The following MCTP1 variants were observed in gnomAD, a reference collection of about 807,000 sequenced individuals.
MCTP1 encodes the protein multiple C2 and transmembrane domain containing 1, also known as multiple C2 and transmembrane domain-containing protein 1.
MCTP1 carries 69 observed loss-of-function variants against 120.6 expected under a neutral mutation model. The ratio of observed to expected loss-of-function variants is 0.57; its 90% confidence interval spans 0.47 to 0.70. MCTP1 has a LOEUF of 0.70. Among genes scored for constraint, MCTP1 ranks in the 30% least tolerant of loss-of-function variants. MCTP1 has a pLI of 0.00. For synonymous variants in MCTP1, 529 were observed against 493.1 expected (o/e 1.07, Z -0.96); for missense variants, 1,203 against 1,248.8 (o/e 0.96, Z 0.55).
intron 9 of MCTP1, among the ~76,000 whole-genome samples, chr5:94,910,504 T>A (rs1325615072): frequency 6.6e-6 from 1 of 152,126 alleles, no homozygotes; most frequent in Non-Finnish European, 1.5e-5. Flanking sequence ...CAGACAGATC[T>A]TCAGATGTAA....
At chr5:95,219,700 C>T (rs1478040733) in intron 1 of MCTP1, among the ~76,000 whole-genome samples, 2 of 152,190 alleles carry the variant, frequency 1.3e-5, no homozygotes, top group Admixed American at 6.5e-5. Context: ...ACATAATCTT[C>T]AGTGTCCTGG....
rs61324420 is a variant in MCTP1, at chr5:94,826,772, C to CTTTTTTTTTTTTTTTTTTT, written c.2437-27659_2437-27641dup. ...TCAGAGAGTAGGGTTGTGACCCCTG[C>CTTTTTTTTTTTTTTTTTTT]TTTTTTTTTTTTTTTTTTTTTTTTT... On this transcript the variant is annotated intron_variant, in intron 17 of 22. Transcript: ENST00000515393. 28 of 42,882 alleles carry CTTTTTTTTTTTTTTTTTTT rather than the reference C, an allele frequency of 6.5e-4. 3 individuals are homozygous for CTTTTTTTTTTTTTTTTTTT. Among genetic ancestry groups the CTTTTTTTTTTTTTTTTTTT allele is most frequent in the African/African-American group, 1.1e-3 (7 of 6,118 alleles). 2.7% of individuals were successfully genotyped at this position (42,882 alleles called of 1,614,324 possible).
At chr5:94,729,637 A>G (rs897186333) in intron 19 of MCTP1, among the ~76,000 whole-genome samples, 31 of 152,222 alleles carry the variant, frequency 2.0e-4, no homozygotes, top group Admixed American at 2.0e-3. Context: ...GAACCAGCAC[A>G]AGATAACAAT....
At position 94,870,498 on chromosome 5, in the gene MCTP1, A is replaced by C. The variant is rs753734205; in HGVS notation, c.2242-7T>G. 6.4e-7 allele frequency: 1 copy of C among 1,562,280 alleles called. No individual in the cohort carries two copies. Among genetic ancestry groups the C allele is most frequent in the Admixed American group, 1.7e-5 (1 of 59,892 alleles). On this transcript the variant is annotated splice_region_variant and splice_polypyrimidine_tract_variant and intron_variant, in intron 15 of 22. Coordinates refer to ENST00000515393, the MANE Select transcript of MCTP1 (RefSeq NM_024717.7). ...TTCGTAAGCTGGCTTTCACCTATAC[A>C]TCAACATATGTGTCTGTTATGGATT...
At chr5:94,991,504 T>C (rs1368530547) in intron 2 of MCTP1, among the ~76,000 whole-genome samples, 2 of 152,228 alleles carry the variant, frequency 1.3e-5, no homozygotes, top group East Asian at 1.9e-4. Context: ...ATGATTTCTG[T>C]TTGGAATTTT....
chr5:95,154,144 T>C (rs1275917593), intron 1 of MCTP1: 2 of 152,264 alleles, frequency 1.3e-5, no homozygotes, highest in African/African-American at 2.4e-5. Context: ...TTTGGCTGTA[T>C]TGATGTGTTT....
chr5:95,025,809 C>T (rs1339235254), intron 1 of MCTP1, among the ~76,000 whole-genome samples: 1 of 152,174 alleles, frequency 6.6e-6, no homozygotes, highest in African/African-American at 2.4e-5. Flanking sequence ...CCAACAGCCC[C>T]TCAAGTAATT....
At chr5:94,787,527 T>C (rs1777981490) in intron 18 of MCTP1, among the ~76,000 whole-genome samples, 1 of 152,056 alleles carries the variant, frequency 6.6e-6, no homozygotes, top group South Asian at 2.1e-4. Flanking sequence ...TCAAGAGAGA[T>C]AGTGACATAT....
intron 6 of MCTP1, chr5:94,931,415 C>T (rs13170906): frequency 2.0e-5 from 3 of 152,018 alleles, no homozygotes; most frequent in African/African-American, 4.8e-5. Context: ...GCATATCTTA[C>T]AAGTTGAAGA....
At chr5:95,117,390 C>CAAAA (rs34952779) in intron 1 of MCTP1, among the ~76,000 whole-genome samples, 35 of 66,118 alleles carry the variant, frequency 5.3e-4, no homozygotes, top group South Asian at 8.9e-4. Context: ...GACTCCGTCT[C>CAAAA]AAAAAAAAAA....
In MCTP1 at chr5:94,934,159, C is replaced by T. The variant is rs145594143; in HGVS notation, c.1174-2168G>A. Among the ~76,000 whole-genome samples, 800 of 150,790 alleles carry T rather than the reference C, an allele frequency of 5.3e-3. 8 individuals carry two copies. The highest frequency in any genetic ancestry group is 0.019 in the African/African-American group (774 of 41,146). On this transcript the variant is annotated intron_variant, in intron 5 of 22. Coordinates refer to ENST00000515393, the MANE Select transcript of MCTP1 (RefSeq NM_024717.7). ...TTCTTTTAGGTAGTTGAGTTAAGGT[C>T]GATTCAATAAAACTGAAAACAGTAG...
At chr5:94,795,744 A>G (rs59357233) in intron 18 of MCTP1, among the ~76,000 whole-genome samples, 20,215 of 152,242 alleles carry the variant, frequency 0.13, 1,963 homozygotes, top group African/African-American at 0.27. Context: ...AACAAGTCCA[A>G]CTAGGAAACA....
At chr5:95,191,276 C>T (rs1283086976) in intron 1 of MCTP1, among the ~76,000 whole-genome samples, 1 of 151,898 alleles carries the variant, frequency 6.6e-6, no homozygotes, top group Non-Finnish European at 1.5e-5. Context: ...AAATCCTATT[C>T]CTTTGATCTA....
At chr5:94,791,112 C>CAAAAAA (rs60394333) in intron 18 of MCTP1, among the ~76,000 whole-genome samples, 18 of 99,638 alleles carry the variant, frequency 1.8e-4, no homozygotes, top group Admixed American at 3.8e-4. Flanking sequence ...GTCTCTACTA[C>CAAAAAA]AAAAAAAAAA....
intron 1 of MCTP1, among the ~76,000 whole-genome samples, chr5:95,249,735 T>C (rs1187416158): frequency 6.6e-6 from 1 of 152,148 alleles, no homozygotes; most frequent in East Asian, 1.9e-4. Context: ...CTATTCACAA[T>C]AGCAAAGACT....
rs1406079173 is a variant in MCTP1, at chr5:94,706,689, CTG to C, written c.*805_*806del. The stretch of plus-strand genomic sequence containing the variant: ...TATAGTTTCCTAGTATTTTTGATAA[CTG>C]TACTTACTGGGTTGCTAATTTGCTA... On this transcript the variant is annotated 3_prime_UTR_variant, in exon 23 of 23. Transcript: ENST00000515393. 1.3e-5 allele frequency: 2 copies of C among 151,188 alleles called. No individual in the cohort carries two copies. Among genetic ancestry groups the C allele is most frequent in the African/African-American group, 4.9e-5 (2 of 41,158 alleles). The allele number at this position is 151,188 out of a possible 1,614,324, so 9.4% of individuals were successfully genotyped here. A position where few individuals can be genotyped will look rare whatever the true frequency, so the allele number is the denominator to read the frequency against.
chr5:94,897,237 T>G (rs1804265180), intron 10 of MCTP1, among the ~76,000 whole-genome samples: 1 of 151,188 alleles, frequency 6.6e-6, no homozygotes, highest in South Asian at 2.1e-4. Flanking sequence ...TAATTTTTTT[T>G]TTTTTTTTGT....
chr5:95,009,050 G>A (rs995615681), intron 2 of MCTP1, among the ~76,000 whole-genome samples: 1 of 134,114 alleles, frequency 7.5e-6, no homozygotes, highest in African/African-American at 2.8e-5. Flanking sequence ...GAGTGAGAGA[G>A]GGAGAAAGAG....
At chr5:95,001,574 C>T (rs776755890) in intron 2 of MCTP1, among the ~76,000 whole-genome samples, 15 of 152,112 alleles carry the variant, frequency 9.9e-5, no homozygotes, top group Non-Finnish European at 1.9e-4. Context: ...TTTCTGGGAA[C>T]CAGCATAAAG....
Sources: gnomAD v4.1 joint callset for allele counts (sites outside exome capture counted in the v4.1 genomes callset) on GRCh38, gnomAD v4.1.1 for gene constraint, MANE v1.5 for transcripts, NCBI Gene and HGNC (gene_info 2026-07-23, HGNC 2026-07-21) for gene names.